ARHGAP15: variants seen among roughly 807,000 people sequenced by gnomAD.
ARHGAP15 encodes the protein rho GTPase-activating protein 15.
ARHGAP15 carries 51 observed loss-of-function variants against 63.7 expected under a neutral mutation model. The ratio of observed to expected loss-of-function variants is 0.80; its 90% CI spans 0.64 to 1.01. The LOEUF (loss-of-function observed/expected upper bound fraction) is 1.01. Ranked by LOEUF, ARHGAP15 falls within the 50% of genes least tolerant of loss-of-function variation. The probability of loss-of-function intolerance (pLI) is 0.00; values close to 1 mark genes in which losing one functional copy is unlikely to be tolerated. For missense variants in ARHGAP15, 560 were observed against 564.6 expected (o/e 0.99, Z 0.08); for synonymous variants, 191 against 193.8 (o/e 0.99, Z 0.12).
intron 11 of ARHGAP15, chr2:143,601,481 G>T (rs941644727): frequency 1.3e-5 from 2 of 152,138 alleles, no homozygotes; most frequent in African/African-American, 4.8e-5. Context: ...CACGAGGGCA[G>T]AATCTGCCTA....
intron 13 of ARHGAP15, among the ~76,000 whole-genome samples, chr2:143,743,271 A>G (rs961113044): frequency 3.3e-5 from 5 of 152,180 alleles, no homozygotes; most frequent in African/African-American, 1.2e-4. Flanking sequence ...CTGTCTCACA[A>G]TGTTTTCATG....
At chr2:143,730,888 C>G (rs1300080475) in intron 13 of ARHGAP15, among the ~76,000 whole-genome samples, 9 of 108,336 alleles carry the variant, frequency 8.3e-5, no homozygotes, top group African/African-American at 2.9e-4. Context: ...CTAGAGCACT[C>G]CTTTAAAAAA....
chr2:143,670,697 A>C (rs951874301), intron 12 of ARHGAP15, among the ~76,000 whole-genome samples: 1 of 152,078 alleles, frequency 6.6e-6, no homozygotes, highest in African/African-American at 2.4e-5. Context: ...CCAAGTCCTC[A>C]TTGTCTCTTA....
chr2:143,220,554 T>C (rs1692950345), intron 4 of ARHGAP15, among the ~76,000 whole-genome samples: 1 of 152,188 alleles, frequency 6.6e-6, no homozygotes, highest in Non-Finnish European at 1.5e-5. Context: ...CTGCATTACT[T>C]GATCAAATCA....
chr2:143,486,862 A>C (rs561602188), intron 8 of ARHGAP15, among the ~76,000 whole-genome samples: 1 of 152,358 alleles, frequency 6.6e-6, no homozygotes, highest in South Asian at 2.1e-4. Context: ...TACATCAATA[A>C]GGAGAGTAAG....
At chr2:143,343,018 ATT>A (rs1312288742) in intron 6 of ARHGAP15, among the ~76,000 whole-genome samples, 1 of 152,028 alleles carries the variant, frequency 6.6e-6, no homozygotes, top group Non-Finnish European at 1.5e-5. Flanking sequence ...AGATTAGAAA[ATT>A]TTATCTATTT....
chr2:143,758,559 A>T (rs1432260027), intron 13 of ARHGAP15, among the ~76,000 whole-genome samples: 1 of 152,188 alleles, frequency 6.6e-6, no homozygotes, highest in East Asian at 1.9e-4. Flanking sequence ...CAGGAGAGGA[A>T]ACACACGACT....
At chr2:143,628,971 T>C (rs745686479) in intron 12 of ARHGAP15, among the ~76,000 whole-genome samples, 3 of 152,094 alleles carry the variant, frequency 2.0e-5, no homozygotes, top group Non-Finnish European at 4.4e-5. Context: ...TACTCTTTCA[T>C]GGAAGAGTTA....
intron 6 of ARHGAP15, among the ~76,000 whole-genome samples, chr2:143,307,055 T>G (rs912498585): frequency 4.6e-5 from 7 of 152,080 alleles, no homozygotes; most frequent in African/African-American, 1.4e-4. Context: ...TTACCTGTGG[T>G]TGTAGACTGA....
intron 3 of ARHGAP15, among the ~76,000 whole-genome samples, chr2:143,211,361 C>A (rs981688322): frequency 2.2e-5 from 2 of 90,242 alleles, no homozygotes; most frequent in African/African-American, 4.7e-5. Flanking sequence ...GGGTGGGGGG[C>A]GGGAATTTAA....
intron 9 of ARHGAP15, 73 bp from the exon 10 acceptor site, chr2:143,519,193 A>G: frequency 8.5e-7 from 1 of 1,170,380 alleles, no homozygotes; most frequent in South Asian, 1.3e-5. Flanking sequence ...TGCAATGGAT[A>G]TGGAAACGGA....
chr2:143,477,094 C>T (rs529959994), intron 8 of ARHGAP15, among the ~76,000 whole-genome samples: 1 of 152,268 alleles, frequency 6.6e-6, no homozygotes, highest in South Asian at 2.1e-4. Context: ...GAAATACACT[C>T]TACCTGGCAG....
At chr2:143,677,296 C>T (rs1472650940) in intron 12 of ARHGAP15, among the ~76,000 whole-genome samples, 1 of 152,220 alleles carries the variant, frequency 6.6e-6, no homozygotes, top group East Asian at 1.9e-4. Flanking sequence ...TTAACTGAAC[C>T]ATGAATGGAA....
chr2:143,240,758 A>G (rs1033792336), intron 5 of ARHGAP15, among the ~76,000 whole-genome samples: 1 of 151,886 alleles, frequency 6.6e-6, no homozygotes, highest in Non-Finnish European at 1.5e-5. Context: ...TACAGAGAAG[A>G]AAAAAAGGAA....
chr2:143,611,679 T>C (rs1698259351), intron 11 of ARHGAP15, among the ~76,000 whole-genome samples: 1 of 152,160 alleles, frequency 6.6e-6, no homozygotes, highest in Non-Finnish European at 1.5e-5. Flanking sequence ...AAAGTCCAAA[T>C]ATCTACTTAG....
At chr2:143,535,162 A>G (rs1390004538) in intron 10 of ARHGAP15, among the ~76,000 whole-genome samples, 2 of 152,152 alleles carry the variant, frequency 1.3e-5, no homozygotes, top group Non-Finnish European at 2.9e-5. Context: ...TGGTGTGTCC[A>G]AAATAGCAGG....
At chr2:143,192,428 G>A (rs897253571) in intron 2 of ARHGAP15, among the ~76,000 whole-genome samples, 3 of 152,204 alleles carry the variant, frequency 2.0e-5, no homozygotes, top group Non-Finnish European at 2.9e-5. Context: ...AAACACACAA[G>A]GAAAGCACAG....
At chr2:143,144,625 CTT>C (rs1689504917) in intron 1 of ARHGAP15, among the ~76,000 whole-genome samples, 1 of 151,970 alleles carries the variant, frequency 6.6e-6, no homozygotes, top group Non-Finnish European at 1.5e-5. Flanking sequence ...TTTAATTAGT[CTT>C]AAGTAGAATA....
At chr2:143,482,573 T>G (rs1406504904) in intron 8 of ARHGAP15, among the ~76,000 whole-genome samples, 1 of 152,212 alleles carries the variant, frequency 6.6e-6, no homozygotes, top group Non-Finnish European at 1.5e-5. Context: ...TGTGTTTAAA[T>G]TTTGCTTTCC....
Sources: gnomAD v4.1 joint callset for allele counts (sites outside exome capture counted in the v4.1 genomes callset) on GRCh38, gnomAD v4.1.1 for gene constraint, MANE v1.5 for transcripts, NCBI Gene and HGNC (gene_info 2026-07-23, HGNC 2026-07-21) for gene names.